RICTOR: variants seen among roughly 807,000 people sequenced by gnomAD.
The protein encoded by RICTOR is rapamycin-insensitive companion of mTOR.
RICTOR carries 49 observed loss-of-function variants against 214.9 expected under a neutral mutation model. The ratio of observed to expected loss-of-function variants is 0.23; its 90% CI spans 0.18 to 0.29. The LOEUF (loss-of-function observed/expected upper bound fraction) is 0.29. Ranked by LOEUF, RICTOR falls within the 10% of genes least tolerant of loss-of-function variation. RICTOR has a pLI of 1.00. For missense variants in RICTOR, 1,625 were observed against 2,047.0 expected (o/e 0.79, Z 3.98); for synonymous variants, 717 against 711.3 (o/e 1.01, Z -0.13).
At chr5:38,990,614 T>A (rs71588474) in intron 7 of RICTOR, among the ~76,000 whole-genome samples, 1 of 101,066 alleles carries the variant, frequency 9.9e-6, no homozygotes. Context: ...ATGATATATA[T>A]ACGATATATG....
chr5:39,070,771 GT>G (rs1403175764), intron 2 of RICTOR, among the ~76,000 whole-genome samples: 1 of 152,186 alleles, frequency 6.6e-6, no homozygotes, highest in Non-Finnish European at 1.5e-5. Context: ...TTCAGTACCA[GT>G]AAAGAGATGC....
chr5:39,039,237 T>C (rs1756981339), intron 2 of RICTOR, among the ~76,000 whole-genome samples: 1 of 152,108 alleles, frequency 6.6e-6, no homozygotes, highest in African/African-American at 2.4e-5. Context: ...ATTTAATAAA[T>C]GGTGCTGGGA....
intron 2 of RICTOR, among the ~76,000 whole-genome samples, chr5:39,035,825 C>T (rs1756645000): frequency 6.6e-6 from 1 of 152,022 alleles, no homozygotes; most frequent in South Asian, 2.1e-4. Flanking sequence ...GTAAAAAGAC[C>T]AAATCTACGT....
intron 2 of RICTOR, among the ~76,000 whole-genome samples, chr5:39,054,655 A>C (rs1288710173): frequency 6.6e-6 from 1 of 152,228 alleles, no homozygotes; most frequent in African/African-American, 2.4e-5. Context: ...CATTCAGTCT[A>C]CATTTTTTGA....
At chr5:38,992,434 G>A (rs747246926) in intron 6 of RICTOR, among the ~76,000 whole-genome samples, 2 of 152,038 alleles carry the variant, frequency 1.3e-5, no homozygotes, top group African/African-American at 4.8e-5. Context: ...AATATATTCT[G>A]TAAAGAGCTG....
intron 7 of RICTOR, 51 bp downstream of exon 7, chr5:38,990,896 TTA>T: frequency 2.6e-6 from 3 of 1,171,456 alleles, no homozygotes; most frequent in Non-Finnish European, 3.7e-6. Context: ...ATCTCAAATG[TTA>T]TATATCCTTT....
intron 2 of RICTOR, among the ~76,000 whole-genome samples, chr5:39,050,753 C>T (rs1327401862): frequency 6.6e-6 from 1 of 151,976 alleles, no homozygotes; most frequent in African/African-American, 2.4e-5. Context: ...TAACATATAC[C>T]TTGGATTTGC....
chr5:39,070,662 A>G (rs1199284425), intron 2 of RICTOR, among the ~76,000 whole-genome samples: 1 of 152,206 alleles, frequency 6.6e-6, no homozygotes, highest in Non-Finnish European at 1.5e-5. Context: ...ATTATATTTG[A>G]ACTAGTGTGT....
intron 6 of RICTOR, among the ~76,000 whole-genome samples, chr5:38,991,881 T>G (rs1181682323): frequency 6.6e-6 from 1 of 152,132 alleles, no homozygotes; most frequent in Non-Finnish European, 1.5e-5. Context: ...AGCAGGTTAC[T>G]GGAGTGGAAA....
intron 2 of RICTOR, among the ~76,000 whole-genome samples, chr5:39,042,114 A>G (rs1757217622): frequency 1.3e-5 from 2 of 152,136 alleles, no homozygotes. Flanking sequence ...ATCTGCATTT[A>G]TAGGAAGTAC....
chr5:39,018,466 A>G (rs915985398), intron 3 of RICTOR, among the ~76,000 whole-genome samples: 13 of 152,266 alleles, frequency 8.5e-5, no homozygotes, highest in African/African-American at 2.6e-4. Flanking sequence ...GCTTCAAGCA[A>G]GTTCATTGGT....
rs142899033 is a variant in RICTOR, at chr5:39,009,098, A to G, written c.196-5476T>C. Among the ~76,000 whole-genome samples the G allele has an allele frequency of 4.1e-3, 628 of 152,272 alleles. 3 individuals are homozygous for G. Among genetic ancestry groups the G allele is most frequent in the African/African-American group, 0.014 (569 of 41,568 alleles). On this transcript the variant is annotated intron_variant, in intron 3 of 37. Transcript: ENST00000357387. ...CTACAGTAATAATGAATGTTAATAAAATGAAAGGTTGTAAAATTCTACAAA... is the reference window on the plus strand; with the variant it reads ...CTACAGTAATAATGAATGTTAATAAGATGAAAGGTTGTAAAATTCTACAAA...
chr5:38,959,222 A>G lies in RICTOR; in HGVS notation c.2151T>C (p.Leu717=). The G allele has an allele frequency of 6.3e-7, 1 of 1,598,374 alleles. No homozygotes were observed. The highest frequency in any genetic ancestry group is 8.5e-7 in the Non-Finnish European group (1 of 1,172,694). The part of the protein sequence containing the change: ...YSRDGLARVI[L]SKILTAATDA... ...CAGTAGCTGCAGTTAAAATTTTGGAAAGGATGACTCTAGCCAATCCATCTC... is the reference window on the plus strand; with the variant it reads ...CAGTAGCTGCAGTTAAAATTTTGGAGAGGATGACTCTAGCCAATCCATCTC... The change falls in exon 22 of 38, where the codon CTT becomes CTC. Residue 717 remains leucine (L), a synonymous_variant. Coordinates refer to ENST00000357387, the MANE Select transcript of RICTOR (RefSeq NM_152756.5).
At chr5:39,021,602 G>GTGCTCA (rs2150136570) in intron 2 of RICTOR, among the ~76,000 whole-genome samples, 1 of 152,132 alleles carries the variant, frequency 6.6e-6, no homozygotes, top group African/African-American at 2.4e-5. Context: ...CACCTTGCTT[G>GTGCTCA]TGCTCATGCT....
intron 7 of RICTOR, among the ~76,000 whole-genome samples, chr5:38,983,735 G>A (rs1450935783): frequency 5.9e-5 from 9 of 152,024 alleles, no homozygotes; most frequent in South Asian, 2.1e-4. Context: ...AGGCTGAGGC[G>A]GGTGGATCAC....
At chr5:38,949,630 T>C (rs905605545) in intron 31 of RICTOR, 82 bp downstream of exon 31, 5 of 1,270,998 alleles carry the variant, frequency 3.9e-6, no homozygotes, top group Non-Finnish European at 5.6e-6. Flanking sequence ...GCTCACATAG[T>C]GTAAAACCTG....
At chr5:39,030,634 A>G (rs895714497) in intron 2 of RICTOR, among the ~76,000 whole-genome samples, 4 of 152,194 alleles carry the variant, frequency 2.6e-5, no homozygotes, top group Admixed American at 6.5e-5. Context: ...GATTCTATGA[A>G]GAGTTTTAAG....
At chr5:39,031,401 A>G (rs886110931) in intron 2 of RICTOR, among the ~76,000 whole-genome samples, 11 of 152,116 alleles carry the variant, frequency 7.2e-5, no homozygotes, top group African/African-American at 2.7e-4. Flanking sequence ...GCAAAGTGCT[A>G]TTTACTCCTC....
rs558279113 is a variant in RICTOR at position 38,953,146 on chromosome 5, T to G, written c.2791-55A>C. 10 of 1,268,886 alleles carry G rather than the reference T, an allele frequency of 7.9e-6. No individual in the cohort carries two copies. In the African/African-American group the frequency reaches 1.5e-4, roughly 19 times the overall value. The allele number at this position is 1,268,886 out of a possible 1,614,324, so 78.6% of individuals were successfully genotyped here. Reference sequence around the variant, plus strand: ...TATAAGAGTCACTCTTTCAAAAGATTTGGAAAGCTACCAAGAAACAAATTT... The same window carrying G: ...TATAAGAGTCACTCTTTCAAAAGATGTGGAAAGCTACCAAGAAACAAATTT... On this transcript the variant is annotated intron_variant, in intron 28 of 37. Transcript: ENST00000357387.
Sources: allele counts gnomAD v4.1 joint callset (sites outside exome capture counted in the v4.1 genomes callset), GRCh38; gene constraint gnomAD v4.1.1; transcripts MANE v1.5; gene names NCBI Gene and HGNC (gene_info 2026-07-23, HGNC 2026-07-21).